The following CRPPA variants were observed in gnomAD, a reference collection of about 807,000 sequenced individuals.
CRPPA encodes D-ribitol-5-phosphate cytidylyltransferase.
Under a neutral mutation model 52.0 loss-of-function variants are expected in CRPPA, and 43 were observed. The observed-to-expected ratio is 0.83, with a 90% CI of 0.65 to 1.07. CRPPA has a LOEUF of 1.07. CRPPA is among the 50% of genes least tolerant of loss of function. The pLI is 0.00. For missense variants in CRPPA, 629 were observed against 551.7 expected, an observed-to-expected ratio of 1.14 and a Z score of -1.40; for synonymous variants, 250 against 203.5, an observed-to-expected ratio of 1.23 and a Z score of -1.94.
At chr7:16,384,072 C>T (rs973790855) in intron 2 of CRPPA, among the ~76,000 whole-genome samples, 13 of 152,194 alleles carry the variant, frequency 8.5e-5, no homozygotes, top group Non-Finnish European at 1.6e-4. Flanking sequence ...ATGCAGAAAT[C>T]ACCCGTCTTC....
chr7:16,414,302 A>G (rs1788137790), intron 1 of CRPPA, among the ~76,000 whole-genome samples: 2 of 148,862 alleles, frequency 1.3e-5, no homozygotes, highest in Admixed American at 1.4e-4. Flanking sequence ...TGTAGTTGTC[A>G]TCTTAGTCTA....
At chr7:16,402,747 A>C (rs1787852252) in intron 2 of CRPPA, among the ~76,000 whole-genome samples, 1 of 152,158 alleles carries the variant, frequency 6.6e-6, no homozygotes, top group Non-Finnish European at 1.5e-5. Flanking sequence ...AGGATGCAGC[A>C]TACAAAAACA....
At chr7:16,416,195 C>T (rs902776950) in intron 1 of CRPPA, among the ~76,000 whole-genome samples, 2 of 152,032 alleles carry the variant, frequency 1.3e-5, no homozygotes, top group Non-Finnish European at 2.9e-5. Context: ...TATTGGTACA[C>T]AATAGACACA....
intron 2 of CRPPA, among the ~76,000 whole-genome samples, chr7:16,397,631 TGTGACAC>T (rs1410326797): frequency 6.6e-6 from 1 of 151,904 alleles, no homozygotes; most frequent in African/African-American, 2.4e-5. Context: ...CCAACACGTG[TGTGACAC>T]GTGACACATG....
intron 9 of CRPPA, among the ~76,000 whole-genome samples, chr7:16,115,533 G>A (rs1433276274): frequency 6.6e-6 from 1 of 152,140 alleles, no homozygotes; most frequent in Non-Finnish European, 1.5e-5. Context: ...CTTTGAAAGG[G>A]CTTACAAATT....
At position 16,308,455 on chromosome 7, in the gene CRPPA, T is replaced by C. The variant is rs979015843; in HGVS notation, c.789+68A>G. 1.8e-5 allele frequency: 15 copies of C among 852,420 alleles called. No individual in the cohort carries two copies. In the East Asian group the frequency reaches 3.1e-4, roughly 18 times the overall value. 52.8% of individuals were successfully genotyped at this position (852,420 alleles called of 1,614,324 possible). On this transcript the variant is annotated intron_variant, in intron 4 of 9. Coordinates refer to ENST00000407010, the MANE Select transcript of CRPPA (RefSeq NM_001101426.4). ...CTCCTACTCAATGCACTACTGGTTTTAAATGTACACACACGCAAACACATG... is the reference window on the plus strand; with the variant it reads ...CTCCTACTCAATGCACTACTGGTTTCAAATGTACACACACGCAAACACATG...
At chr7:16,101,315 T>C (rs1490350407) in intron 9 of CRPPA, among the ~76,000 whole-genome samples, 2 of 152,166 alleles carry the variant, frequency 1.3e-5, no homozygotes, top group Non-Finnish European at 2.9e-5. Flanking sequence ...CTACCAATTA[T>C]TGCCTCAATT....
In CRPPA at chr7:16,376,111, A is replaced by G. The variant is rs1234456550; in HGVS notation, c.665T>C (p.Ile222Thr). The G allele has an allele frequency of 3.1e-6, 5 of 1,600,112 alleles. No homozygotes were observed. The highest frequency in any genetic ancestry group is 4.3e-6 in the Non-Finnish European group (5 of 1,173,314). The change falls in exon 3 of 10, where the codon ATT becomes ACT. Residue 222 changes from isoleucine to threonine, a missense_variant. Coordinates refer to ENST00000407010, the MANE Select transcript of CRPPA (RefSeq NM_001101426.4). ...EMPQAFLFDV[I>T]YEAYQQCSDY... ...TCTTACCTGCTGATATGCTTCATAA[A>G]TCACATCAAATAGAAAAGCTTGGGG... is the stretch of plus-strand genomic sequence containing the variant.
intron 9 of CRPPA, among the ~76,000 whole-genome samples, chr7:16,158,998 T>A (rs1227015423): frequency 2.0e-5 from 3 of 152,214 alleles, no homozygotes; most frequent in African/African-American, 4.8e-5. Flanking sequence ...CCGAACTGAT[T>A]TCCATAAAAT....
chr7:16,365,546 A>G (rs1344159345), intron 3 of CRPPA, among the ~76,000 whole-genome samples: 2 of 152,192 alleles, frequency 1.3e-5, no homozygotes, highest in African/African-American at 4.8e-5. Context: ...AATCTACATA[A>G]AGCAACATAA....
intron 1 of CRPPA, among the ~76,000 whole-genome samples, chr7:16,407,606 T>C (rs1028640499): frequency 1.2e-4 from 18 of 152,210 alleles, no homozygotes; most frequent in African/African-American, 3.9e-4. Context: ...TTACCTTTAC[T>C]GAAAAATGAA....
intron 9 of CRPPA, among the ~76,000 whole-genome samples, chr7:16,207,739 C>A (rs552022924): frequency 1.3e-5 from 2 of 152,240 alleles, no homozygotes; most frequent in East Asian, 3.9e-4. Context: ...TTTCATTACT[C>A]AAAATATCAG....
chr7:16,166,622 T>C (rs762712288), intron 9 of CRPPA, among the ~76,000 whole-genome samples: 5 of 152,170 alleles, frequency 3.3e-5, no homozygotes, highest in Non-Finnish European at 5.9e-5. Flanking sequence ...AGCACATTCT[T>C]AATTCTCATT....
intron 8 of CRPPA, among the ~76,000 whole-genome samples, chr7:16,252,817 T>G (rs981101887): frequency 6.6e-6 from 1 of 152,198 alleles, no homozygotes; most frequent in Non-Finnish European, 1.5e-5. Context: ...TTCAACTTCT[T>G]CCTGCTTTAG....
rs552657368 is a variant in CRPPA at position 16,306,108 on chromosome 7, T to A, written c.789+2415A>T. Reference sequence around the variant, plus strand: ...CTTCTCCCTGTATCTGTGTCTCTTCTATTCTTGTACAGATATTAGTCATAT... The same window carrying A: ...CTTCTCCCTGTATCTGTGTCTCTTCAATTCTTGTACAGATATTAGTCATAT... On this transcript the variant is annotated intron_variant, in intron 4 of 9. Transcript: ENST00000407010. Among the ~76,000 whole-genome samples, 3 of 152,326 alleles carry A rather than the reference T, an allele frequency of 2.0e-5. No homozygotes were observed. The East Asian group carries it at 5.8e-4, about 29-fold the overall frequency.
intron 9 of CRPPA, among the ~76,000 whole-genome samples, chr7:16,177,699 AATTC>A (rs1262722266): frequency 6.6e-6 from 1 of 152,184 alleles, no homozygotes; most frequent in African/African-American, 2.4e-5. Flanking sequence ...AGGAAAAAAT[AATTC>A]TCTAGAAACA....
At position 16,314,444 on chromosome 7, in the gene CRPPA, A is replaced by G. The variant is rs1399620907; in HGVS notation, c.685-5817T>C. Among the ~76,000 whole-genome samples, 4 of 152,038 alleles carry G rather than the reference A, an allele frequency of 2.6e-5. 1 individual carries two copies. The highest frequency in any genetic ancestry group is 9.7e-5 in the African/African-American group (4 of 41,444). On this transcript the variant is annotated intron_variant, in intron 3 of 9. Coordinates refer to ENST00000407010, the MANE Select transcript of CRPPA (RefSeq NM_001101426.4). ...GCACACAATCAGATACATCGTTGCTATTATTGTTTTGAACAAAGTTACCTG... is the reference window on the plus strand; with the variant it reads ...GCACACAATCAGATACATCGTTGCTGTTATTGTTTTGAACAAAGTTACCTG...
chr7:16,345,995 T>A (rs1786005308), intron 3 of CRPPA, among the ~76,000 whole-genome samples: 1 of 152,208 alleles, frequency 6.6e-6, no homozygotes, highest in Non-Finnish European at 1.5e-5. Flanking sequence ...TGTTCTAAGG[T>A]GTTATTTAGT....
At chr7:16,116,382 T>C (rs901782223) in intron 9 of CRPPA, among the ~76,000 whole-genome samples, 2 of 151,730 alleles carry the variant, frequency 1.3e-5, no homozygotes, top group Non-Finnish European at 2.9e-5. Context: ...AAAGAATGAG[T>C]GGTCGGGCGC....
Sources: gnomAD v4.1 joint callset for allele counts (sites outside exome capture counted in the v4.1 genomes callset) on GRCh38, gnomAD v4.1.1 for gene constraint, MANE v1.5 for transcripts, NCBI Gene and HGNC (gene_info 2026-07-23, HGNC 2026-07-21) for gene names.